The following REDIC1 variants were observed in gnomAD, a reference collection of about 807,000 sequenced individuals.
The protein encoded by REDIC1 is regulator of DNA class I crossover intermediates 1, also known as HEI10 Interacting Protein 1.
chr12:39,907,891 T>C, the REDIC1 span: 1 of 152,064 alleles, frequency 6.6e-6, no homozygotes, highest in South Asian at 2.1e-4. Flanking sequence ...TTAGAATCAA[T>C]GCTCCCAACC....
At chr12:39,900,922 T>A in the REDIC1 span, among the ~76,000 whole-genome samples, 1 of 152,126 alleles carries the variant, frequency 6.6e-6, no homozygotes, top group Non-Finnish European at 1.5e-5. Flanking sequence ...GGCATCACGC[T>A]ACCTGACTTC....
At chr12:39,770,405 C>T in the REDIC1 span, among the ~76,000 whole-genome samples, 2 of 152,280 alleles carry the variant, frequency 1.3e-5, no homozygotes, top group South Asian at 4.1e-4. Context: ...GAGTTCAAAT[C>T]GTGACTCTAC....
chr12:39,713,950 TAC>T, the REDIC1 span, among the ~76,000 whole-genome samples: 1 of 148,540 alleles, frequency 6.7e-6, no homozygotes, highest in Non-Finnish European at 1.5e-5. Context: ...TACCTATATA[TAC>T]GTGTATATAC....
At chr12:39,715,630 G>A in the REDIC1 span, among the ~76,000 whole-genome samples, 1 of 151,940 alleles carries the variant, frequency 6.6e-6, no homozygotes, top group South Asian at 2.1e-4. Flanking sequence ...GCAAGACTAA[G>A]CAAAGATAAC....
At chr12:39,640,923 C>A in the REDIC1 span, 1 of 1,565,626 alleles carries the variant, frequency 6.4e-7, no homozygotes, top group Non-Finnish European at 8.8e-7. Context: ...TTTCTTTGAT[C>A]ACTATATATT....
chr12:39,674,640 G>A, the REDIC1 span, among the ~76,000 whole-genome samples: 1 of 152,166 alleles, frequency 6.6e-6, no homozygotes, highest in Non-Finnish European at 1.5e-5. Flanking sequence ...TCCAGATCAT[G>A]GGAGAAGGAT....
chr12:39,805,615 G>A, the REDIC1 span, among the ~76,000 whole-genome samples: 4 of 151,968 alleles, frequency 2.6e-5, no homozygotes, highest in African/African-American at 9.7e-5. Context: ...TTTTTTAAAA[G>A]GTTTGGAGAA....
the REDIC1 span, among the ~76,000 whole-genome samples, chr12:39,849,755 ATT>A: frequency 6.6e-6 from 1 of 151,756 alleles, no homozygotes; most frequent in Non-Finnish European, 1.5e-5. Context: ...CTTTTCTAGT[ATT>A]TGTTCAATTT....
the REDIC1 span, among the ~76,000 whole-genome samples, chr12:39,804,265 G>A: frequency 6.6e-6 from 1 of 152,094 alleles, no homozygotes; most frequent in Non-Finnish European, 1.5e-5. Flanking sequence ...CAAATTTGAA[G>A]GCAAAAGTAG....
At chr12:39,795,092 A>G in the REDIC1 span, among the ~76,000 whole-genome samples, 1 of 152,164 alleles carries the variant, frequency 6.6e-6, no homozygotes, top group Non-Finnish European at 1.5e-5. Context: ...GTTATCATAC[A>G]TTTAAATATT....
the REDIC1 span, among the ~76,000 whole-genome samples, chr12:39,709,055 C>T: frequency 6.6e-6 from 1 of 151,612 alleles, no homozygotes; most frequent in Non-Finnish European, 1.5e-5. Context: ...CGTAAAATAC[C>T]TTTAAGCACT....
At chr12:39,665,003 T>G in the REDIC1 span, among the ~76,000 whole-genome samples, 2 of 152,192 alleles carry the variant, frequency 1.3e-5, no homozygotes, top group Non-Finnish European at 2.9e-5. Flanking sequence ...TTGCAAAAAT[T>G]TTCTCCCATT....
chr12:39,832,655 G>T, the REDIC1 span, among the ~76,000 whole-genome samples: 2 of 151,978 alleles, frequency 1.3e-5, no homozygotes, highest in African/African-American at 4.8e-5. Context: ...CACTGCCCTC[G>T]TGAAGCTGAT....
chr12:39,662,341 C>T, the REDIC1 span, among the ~76,000 whole-genome samples: 1 of 151,972 alleles, frequency 6.6e-6, no homozygotes, highest in South Asian at 2.1e-4. Context: ...TTTGTAGAGG[C>T]CTTTCACCTC....
chr12:39,801,479 T>A, the REDIC1 span, among the ~76,000 whole-genome samples: 1 of 152,152 alleles, frequency 6.6e-6, no homozygotes, highest in African/African-American at 2.4e-5. Context: ...GCTGACCTCA[T>A]GACATAGTCT....
the REDIC1 span, among the ~76,000 whole-genome samples, chr12:39,664,318 A>G: frequency 2.0e-5 from 3 of 148,590 alleles, no homozygotes; most frequent in East Asian, 6.0e-4. Flanking sequence ...GAGTGAGAAC[A>G]TGTGGTGTTT....
the REDIC1 span, among the ~76,000 whole-genome samples, chr12:39,743,176 C>A: frequency 6.6e-6 from 1 of 152,264 alleles, no homozygotes; most frequent in African/African-American, 2.4e-5. Flanking sequence ...ATTGTTTTAT[C>A]ACAGCCTAAC....
At chr12:39,753,363 G>T in the REDIC1 span, among the ~76,000 whole-genome samples, 4 of 148,012 alleles carry the variant, frequency 2.7e-5, no homozygotes, top group African/African-American at 1.1e-4. Context: ...ACATTGAAAA[G>T]ACTTTAAATG....
chr12:39,892,370 TTG>T, the REDIC1 span, among the ~76,000 whole-genome samples: 2 of 152,212 alleles, frequency 1.3e-5, no homozygotes, highest in Non-Finnish European at 2.9e-5. Flanking sequence ...AGGGAGATTC[TTG>T]GAACTGTCTG....
Sources: gnomAD v4.1 joint callset for allele counts (sites outside exome capture counted in the v4.1 genomes callset) on GRCh38, gnomAD v4.1.1 for gene constraint, MANE v1.5 for transcripts, NCBI Gene and HGNC (gene_info 2026-07-23, HGNC 2026-07-21) for gene names.